The following DOCK9 variants were observed in gnomAD, a reference collection of about 807,000 sequenced individuals.
DOCK9 encodes the protein dedicator of cytokinesis protein 9.
A neutral mutation model predicts 263.3 loss-of-function variants in DOCK9; 89 were observed. The observed-to-expected ratio is 0.34, with a 90% CI of 0.28 to 0.40. The LOEUF (loss-of-function observed/expected upper bound fraction) is 0.40, where lower values mean the gene tolerates loss of function less well. Among genes scored for constraint, DOCK9 ranks in the 10% least tolerant of loss-of-function variants. The pLI is 1.00. For missense variants in DOCK9, 2,140 were observed against 2,603.4 expected, an observed-to-expected ratio of 0.82 and a Z score of 3.87; for synonymous variants, 976 against 973.1, an observed-to-expected ratio of 1.00 and a Z score of -0.06.
chr13:98,805,953 T>C (rs769520661), intron 48 of DOCK9, among the ~76,000 whole-genome samples: 4 of 152,120 alleles, frequency 2.6e-5, no homozygotes, highest in Non-Finnish European at 4.4e-5. Flanking sequence ...AGACACAGGG[T>C]TTCTCCATGT....
At chr13:98,949,818 G>A (rs2057189967) in intron 2 of DOCK9, 5 of 474,708 alleles carry the variant, frequency 1.1e-5, no homozygotes, top group African/African-American at 2.0e-5. Flanking sequence ...ATGGGCCACC[G>A]AGAGGTGGAA....
intron 49 of DOCK9, among the ~76,000 whole-genome samples, chr13:98,802,797 A>C (rs548299818): frequency 6.6e-6 from 1 of 152,320 alleles, no homozygotes; most frequent in African/African-American, 2.4e-5. Context: ...AAGGTTAGGT[A>C]CAAAGCAATG....
intron 1 of DOCK9, among the ~76,000 whole-genome samples, chr13:98,966,838 G>C (rs2059248476): frequency 6.6e-6 from 1 of 152,206 alleles, no homozygotes; most frequent in Admixed American, 6.5e-5. Flanking sequence ...TACTGCCAGA[G>C]GTGGTGACAG....
Position 98,955,416 on chromosome 13 carries a change from G to A in DOCK9, c.243+19C>T, listed in dbSNP as rs781550401. 6.6e-7 allele frequency: 1 copy of A among 1,518,752 alleles called. No homozygotes were observed. Among genetic ancestry groups the A allele is most frequent in the Non-Finnish European group, 9.0e-7 (1 of 1,113,996 alleles). The allele number at this position is 1,518,752 out of a possible 1,614,324, so 94.1% of individuals were successfully genotyped here. A position where few individuals can be genotyped will look rare whatever the true frequency, so the allele number is the denominator to read the frequency against. Reference sequence around the variant, plus strand: ...GATCAAACACGTGGTTCTACGGATAGAAACATAACGTTACTTACCTGAAAG... The same window carrying A: ...GATCAAACACGTGGTTCTACGGATAAAAACATAACGTTACTTACCTGAAAG... On this transcript the variant is annotated intron_variant, in intron 2 of 52. Transcript: ENST00000682017.
intron 1 of DOCK9, among the ~76,000 whole-genome samples, chr13:98,975,216 T>TA (rs1411545615): frequency 1.3e-5 from 2 of 151,954 alleles, no homozygotes; most frequent in Non-Finnish European, 2.9e-5. Context: ...CTGTCCCTAC[T>TA]AAAAATACAA....
At chr13:98,897,027 G>A (rs1246266462) in intron 15 of DOCK9, among the ~76,000 whole-genome samples, 1 of 152,190 alleles carries the variant, frequency 6.6e-6, no homozygotes, top group Non-Finnish European at 1.5e-5. Context: ...GCTGCCACAA[G>A]CTAAGCAACA....
chr13:98,870,912 A>C (rs78180506), intron 27 of DOCK9, among the ~76,000 whole-genome samples: 5,224 of 151,634 alleles, frequency 0.034, 309 homozygotes, highest in African/African-American at 0.12. Context: ...AAAAAAAAAA[A>C]AGTCCAAACA....
chr13:98,950,438 G>T, intron 2 of DOCK9: 1 of 683,222 alleles, frequency 1.5e-6, no homozygotes, highest in Admixed American at 2.5e-5. Flanking sequence ...CTTTGCTCTT[G>T]CTCTGCCATC....
At chr13:98,966,253 A>G (rs902647704) in intron 1 of DOCK9, among the ~76,000 whole-genome samples, 1 of 152,202 alleles carries the variant, frequency 6.6e-6, no homozygotes, top group African/African-American at 2.4e-5. Context: ...GCAGTGCTTC[A>G]TGTGTCTTCT....
intron 27 of DOCK9, among the ~76,000 whole-genome samples, chr13:98,873,272 C>T (rs1206885730): frequency 6.6e-6 from 1 of 152,190 alleles, no homozygotes; most frequent in Non-Finnish European, 1.5e-5. Flanking sequence ...AAAGCTTAGG[C>T]TTATGGTTTC....
upstream of DOCK9, among the ~76,000 whole-genome samples, chr13:99,087,060 CCCGGGGCCTCTGCGG>C (rs146462841): frequency 0.017 from 2,556 of 152,232 alleles, 73 homozygotes; most frequent in African/African-American, 0.057. Context: ...CCCCTCTGCG[CCCGGGGCCTCTGCGG>C]GGACAGAGGT....
rs1485887836 is a variant in DOCK9 at position 98,810,277 on chromosome 13, C to G, written c.5145G>C (p.Glu1715Asp). The G allele has an allele frequency of 4.3e-6, 7 of 1,613,506 alleles. 1 individual carries two copies. In the South Asian group the frequency reaches 5.5e-5, roughly 13 times the overall value. Residue 1715 changes from glutamate to aspartate, a missense_variant, in exon 46 of 53, where the codon GAG (glutamate) becomes GAC (aspartate). Transcript: ENST00000682017. ...DVHFNEDVLM[E>D]LLEQCADGLW... ...GTCCATCTGCGCACTGCTCAAGGAG[C>G]TCCATCAGCACATCCTGATCAAAGA...
Position 98,834,967 on chromosome 13 carries a change from G to A in DOCK9, c.4314+2527C>T, listed in dbSNP as rs535260833. Among the ~76,000 whole-genome samples the A allele has an allele frequency of 5.9e-5, 9 of 152,190 alleles. No homozygotes were observed. The East Asian group carries it at 1.7e-3, about 29-fold the overall frequency. On this transcript the variant is annotated intron_variant, in intron 39 of 52. Transcript: ENST00000682017. Reference sequence around the variant, plus strand: ...ACAGGTCAGTTGTGTAGTGATCTTGGGCAAATTTCCTAATTTCTCCCAGCC... The same window carrying A: ...ACAGGTCAGTTGTGTAGTGATCTTGAGCAAATTTCCTAATTTCTCCCAGCC...
intron 39 of DOCK9, among the ~76,000 whole-genome samples, chr13:98,835,107 T>C (rs1442253775): frequency 2.0e-5 from 3 of 152,226 alleles, no homozygotes; most frequent in African/African-American, 7.2e-5. Flanking sequence ...GCTCATGTAA[T>C]AATAATACCA....
intron 45 of DOCK9, among the ~76,000 whole-genome samples, chr13:98,811,212 T>C (rs1216911878): frequency 6.6e-6 from 1 of 152,234 alleles, no homozygotes; most frequent in Non-Finnish European, 1.5e-5. Flanking sequence ...AAGCCCATTT[T>C]AGAGGGGTTT....
At position 98,794,657 on chromosome 13, in the gene DOCK9, T is replaced by C; in HGVS notation, c.6248A>G (p.His2083Arg). The change falls in exon 53 of 53, where the codon CAC (histidine) becomes CGC (arginine). Residue 2083 changes from histidine to arginine, a missense_variant. Transcript: ENST00000682017. ...ISGTPTSTMV[H>R]GMTSSSSVV The stretch of plus-strand genomic sequence containing the variant: ...GACCGAAGACGAGCTGGTCATCCCG[T>C]GAACCATTGTGCTTGTTGGAGTCCC... 1 of 1,612,820 alleles carries C rather than the reference T, an allele frequency of 6.2e-7. No individual in the cohort carries two copies. The highest frequency in any genetic ancestry group is 8.5e-7 in the Non-Finnish European group (1 of 1,179,428).
intron 1 of DOCK9, among the ~76,000 whole-genome samples, chr13:99,061,242 G>A (rs1040830659): frequency 6.6e-6 from 1 of 152,184 alleles, no homozygotes; most frequent in African/African-American, 2.4e-5. Context: ...AGGGGAACAG[G>A]AGGGTCAAAA....
Position 98,915,380 on chromosome 13 carries a change from G to A in DOCK9, c.841C>T (p.Leu281Phe), listed in dbSNP as rs2050728835. ...WITILNKILQ[L>F]NFEAAMQEKR... ...TCTTGCATTGCAGCTTCAAAGTTGA[G>A]CTGGAGGATCTTATTTAGAATTGTG... is the stretch of plus-strand genomic sequence containing the variant. The change falls in exon 8 of 53, where the codon CTC (leucine) becomes TTC (phenylalanine). Residue 281 changes from leucine to phenylalanine, a missense_variant. Around this residue, in one of 2 missense-constraint regions of DOCK9, gnomAD observed 1,521 missense variants for 1,741.7 expected, o/e 0.87. Coordinates refer to ENST00000682017, the MANE Select transcript of DOCK9 (RefSeq NM_001366683.2). 6.2e-7 allele frequency: 1 copy of A among 1,613,828 alleles called. No individual in the cohort carries two copies. Among genetic ancestry groups the A allele is most frequent in the South Asian group, 1.1e-5 (1 of 91,066 alleles).
At chr13:99,051,356 G>C (rs1299265276) in intron 1 of DOCK9, among the ~76,000 whole-genome samples, 2 of 152,012 alleles carry the variant, frequency 1.3e-5, no homozygotes, top group African/African-American at 4.8e-5. Context: ...GCAACTTCCT[G>C]AAAGTCCCTG....
Sources: gnomAD v4.1 joint callset for allele counts (sites outside exome capture counted in the v4.1 genomes callset) on GRCh38, gnomAD v4.1.1 for gene constraint, gnomAD v4.1.1 regional missense constraint, MANE v1.5 for transcripts, NCBI Gene and HGNC (gene_info 2026-07-23, HGNC 2026-07-21) for gene names.